Variants in PDCD6IP observed in about 807,000 individuals in gnomAD.
The protein encoded by PDCD6IP is programmed cell death 6 interacting protein, also known as programmed cell death 6-interacting protein.
Under a neutral mutation model 103.7 loss-of-function variants are expected in PDCD6IP, and 43 were observed. The observed-to-expected ratio is 0.41, with a 90% confidence interval of 0.32 to 0.53. The LOEUF is 0.53. Ranked by LOEUF, PDCD6IP falls within the 20% of genes least tolerant of loss-of-function variation. The pLI is 0.16. For missense variants in PDCD6IP, 871 were observed against 1,036.7 expected (o/e 0.84, Z 2.20); for synonymous variants, 354 against 378.7 (o/e 0.93, Z 0.76).
At chr3:33,837,201 T>TTAAA in intron 8 of PDCD6IP, among the ~76,000 whole-genome samples, 1 of 152,250 alleles carries the variant, frequency 6.6e-6, no homozygotes, top group African/African-American at 2.4e-5. Flanking sequence ...ATTACAGGCA[T>TTAAA]GAGCCACCGT....
intron 12 of PDCD6IP, among the ~76,000 whole-genome samples, chr3:33,849,788 C>G (rs1697673198): frequency 6.6e-6 from 1 of 152,190 alleles, no homozygotes; most frequent in South Asian, 2.1e-4. Context: ...TAAAATGAGG[C>G]CAGTGCCTTA....
intron 7 of PDCD6IP, among the ~76,000 whole-genome samples, chr3:33,829,457 G>C (rs1455494854): frequency 1.3e-5 from 2 of 151,984 alleles, no homozygotes; most frequent in Non-Finnish European, 1.5e-5. Flanking sequence ...TCCACAACTT[G>C]AGGACGACAG....
intron 15 of PDCD6IP, among the ~76,000 whole-genome samples, chr3:33,859,740 A>G (rs951459147): frequency 1.3e-5 from 2 of 152,226 alleles, no homozygotes; most frequent in African/African-American, 4.8e-5. Context: ...CCAATGGTGC[A>G]ATCCTTGTGT....
At chr3:33,841,539 C>T (rs1006901707) in intron 9 of PDCD6IP, among the ~76,000 whole-genome samples, 3 of 146,040 alleles carry the variant, frequency 2.1e-5, no homozygotes, top group Admixed American at 7.0e-5. Context: ...CCCGGGTTCA[C>T]GCCATTCTCC....
intron 11 of PDCD6IP, among the ~76,000 whole-genome samples, chr3:33,844,832 G>T (rs1697556650): frequency 1.3e-5 from 2 of 151,794 alleles, no homozygotes; most frequent in African/African-American, 4.8e-5. Flanking sequence ...TTATGGCTTT[G>T]TAATTTTTTT....
chr3:33,868,219 A>G lies in PDCD6IP; in HGVS notation c.*1694A>G, dbSNP rs1412662944. ...TTAAGTTCCACATTCTTATTACTTG[A>G]GGTACTTTATACTAACATAAGACAG... On this transcript the variant is annotated 3_prime_UTR_variant, in exon 18 of 18. Coordinates refer to ENST00000307296, the MANE Select transcript of PDCD6IP (RefSeq NM_013374.6). 1 of 152,202 alleles carries G rather than the reference A, an allele frequency of 6.6e-6. No homozygotes were observed. The highest frequency in any genetic ancestry group is 2.4e-5 in the African/African-American group (1 of 41,444). 9.4% of individuals were successfully genotyped at this position (152,202 alleles called of 1,614,324 possible).
chr3:33,837,831 A>G (rs1485230816), intron 8 of PDCD6IP, among the ~76,000 whole-genome samples: 2 of 152,118 alleles, frequency 1.3e-5, no homozygotes, highest in South Asian at 4.1e-4. Context: ...CAGGTGAGCC[A>G]CCTGCCTCGG....
At chr3:33,848,207 C>T (rs929594894) in intron 12 of PDCD6IP, among the ~76,000 whole-genome samples, 4 of 152,122 alleles carry the variant, frequency 2.6e-5, no homozygotes, top group African/African-American at 9.7e-5. Context: ...TGAAGGCCTA[C>T]TATTCCAGAA....
rs933318109 is a variant in PDCD6IP at position 33,826,468 on chromosome 3, A to G, written c.617-12A>G. ...TATTTATTTTAATTATAATGGTCAT[A>G]TTGTATTCCAGATAAAATGAAAGAT... On this transcript the variant is annotated splice_polypyrimidine_tract_variant and intron_variant, in intron 5 of 17. Coordinates refer to ENST00000307296, the MANE Select transcript of PDCD6IP (RefSeq NM_013374.6). The G allele has an allele frequency of 8.2e-6, 13 of 1,576,496 alleles. No homozygotes were observed. In the Admixed American group the frequency reaches 2.2e-4, roughly 27 times the overall value.
intron 3 of PDCD6IP, among the ~76,000 whole-genome samples, chr3:33,815,193 TTAA>T (rs1025955663): frequency 4.0e-5 from 6 of 150,884 alleles, no homozygotes; most frequent in African/African-American, 1.5e-4. Context: ...TAATGTTAAT[TTAA>T]TAATAATTAT....
chr3:33,843,968 C>A (rs1216184800), intron 10 of PDCD6IP, 144 bp from the exon 11 acceptor site: 2 of 497,118 alleles, frequency 4.0e-6, no homozygotes. Flanking sequence ...TAGATGTCTG[C>A]AAGAAAAAAG....
At chr3:33,819,167 G>C (rs1478252734) in intron 3 of PDCD6IP, among the ~76,000 whole-genome samples, 1 of 151,490 alleles carries the variant, frequency 6.6e-6, no homozygotes, top group Non-Finnish European at 1.5e-5. Context: ...TTGACTTTCT[G>C]TTCTTTCTGA....
chr3:33,836,308 T>G, intron 8 of PDCD6IP, 42 bp downstream of exon 8: 1 of 1,129,348 alleles, frequency 8.9e-7, no homozygotes, highest in Non-Finnish European at 1.3e-6. Context: ...CATTTTTCTC[T>G]AGTTTACTCT....
intron 1 of PDCD6IP, among the ~76,000 whole-genome samples, chr3:33,808,540 A>G (rs923073796): frequency 6.6e-6 from 1 of 152,036 alleles, no homozygotes; most frequent in Non-Finnish European, 1.5e-5. Flanking sequence ...CAGCCTCCCA[A>G]AGTGTTGGGA....
chr3:33,816,592 T>C (rs1696860017), intron 3 of PDCD6IP, among the ~76,000 whole-genome samples: 1 of 148,106 alleles, frequency 6.8e-6, no homozygotes, highest in African/African-American at 2.5e-5. Context: ...CTTGACAGAG[T>C]CATTGTGGCA....
intron 10 of PDCD6IP, among the ~76,000 whole-genome samples, chr3:33,842,611 G>GT (rs1159051010): frequency 6.6e-6 from 1 of 151,794 alleles, no homozygotes; most frequent in Non-Finnish European, 1.5e-5. Context: ...CTTGTGTTCA[G>GT]TTTTTTTGTT....
chr3:33,826,539 G>T lies in PDCD6IP; in HGVS notation c.676G>T (p.Asp226Tyr). The T allele has an allele frequency of 6.2e-7, 1 of 1,612,416 alleles. No individual in the cohort carries two copies. Among genetic ancestry groups the T allele is most frequent in the Non-Finnish European group, 8.5e-7 (1 of 1,178,994 alleles). The stretch of plus-strand genomic sequence containing the variant: ...TAATCAGGCTGCAGATTATTTTGGT[G>T]ATGCTTTCAAACAGTGTCAATACAA... ...LANQAADYFG[D>Y]AFKQCQYKDT... The change falls in exon 6 of 18, where the codon GAT becomes TAT. Residue 226 changes from aspartate to tyrosine, a missense_variant. Physicochemically the swap from Asp to Tyr is radical, Grantham distance 160. Transcript: ENST00000307296.
intron 7 of PDCD6IP, among the ~76,000 whole-genome samples, chr3:33,829,860 A>G (rs555990052): frequency 6.6e-6 from 1 of 152,332 alleles, no homozygotes; most frequent in Admixed American, 6.5e-5. Flanking sequence ...AGGTGCTGGC[A>G]TCTGGTGAGG....
intron 15 of PDCD6IP, among the ~76,000 whole-genome samples, chr3:33,859,844 T>G (rs1338993185): frequency 6.6e-6 from 1 of 152,220 alleles, no homozygotes; most frequent in Non-Finnish European, 1.5e-5. Context: ...TGAGGATATA[T>G]TAGAATATGC....
Sources: allele counts gnomAD v4.1 joint callset (sites outside exome capture counted in the v4.1 genomes callset), GRCh38; gene constraint gnomAD v4.1.1; transcripts MANE v1.5; gene names NCBI Gene and HGNC (gene_info 2026-07-23, HGNC 2026-07-21).